The following EXOC2 variants were observed in gnomAD, a reference collection of about 807,000 sequenced individuals.
EXOC2 encodes exocyst complex component 2.
Under a neutral mutation model 131.8 loss-of-function variants are expected in EXOC2, and 70 were observed. That is an observed-to-expected ratio of 0.53 (90% confidence interval 0.44 to 0.65). The LOEUF (loss-of-function observed/expected upper bound fraction) is 0.65, where lower values mean the gene tolerates loss of function less well. EXOC2 is among the 30% of genes least tolerant of loss of function. The pLI is 0.00. For synonymous variants in EXOC2, 411 were observed against 398.4 expected (o/e 1.03, Z -0.38); for missense variants, 923 against 1,108.6 (o/e 0.83, Z 2.38).
chr6:656,480 C>T, intron 1 of EXOC2: 3 of 1,610,422 alleles, frequency 1.9e-6, no homozygotes, highest in Non-Finnish European at 1.7e-6. Flanking sequence ...GGCGGATGCT[C>T]GCGTCGGAGG....
rs76710904 is a variant in EXOC2 at position 589,773 on chromosome 6, C to T, written c.1192+2696G>A. Among the ~76,000 whole-genome samples the T allele has an allele frequency of 2.3e-4, 35 of 152,226 alleles. No individual in the cohort carries two copies. The East Asian group carries it at 6.6e-3, about 29-fold the overall frequency. On this transcript the variant is annotated intron_variant, in intron 11 of 27. Transcript: ENST00000230449. ...CACAGAGATTAGAATGTGCTTGGCA[C>T]GGAGGGAAGGGGTAAGGCCAAGAAT... is the stretch of plus-strand genomic sequence containing the variant.
At chr6:496,491 G>T (rs1300856052) in intron 25 of EXOC2, among the ~76,000 whole-genome samples, 1 of 152,138 alleles carries the variant, frequency 6.6e-6, no homozygotes, top group East Asian at 1.9e-4. Flanking sequence ...CATATGGAGA[G>T]ACTCCTCTAT....
At chr6:652,326 C>T (rs978633311) in intron 1 of EXOC2, among the ~76,000 whole-genome samples, 4 of 152,174 alleles carry the variant, frequency 2.6e-5, no homozygotes, top group African/African-American at 7.2e-5. Flanking sequence ...AGGGTTCAAG[C>T]GACTCGCCTG....
chr6:658,647 ATATATATATATATATATATTT>A (rs1763256430), intron 1 of EXOC2, among the ~76,000 whole-genome samples: 2 of 70,114 alleles, frequency 2.9e-5, no homozygotes, highest in African/African-American at 9.4e-5. Flanking sequence ...TATATATTTT[ATATATATATATATATATATTT>A]TTTTTTTTTT....
rs1561761000 is a variant in EXOC2, at chr6:485,542, T to C, written c.*1129A>G. On this transcript the variant is annotated 3_prime_UTR_variant, in exon 28 of 28. Transcript: ENST00000230449. Reference sequence around the variant, plus strand: ...AAGCCGACTACAAAGAGAATTCCTCTCTGAAAATTTTCAGATGCGACGGTA... The same window carrying C: ...AAGCCGACTACAAAGAGAATTCCTCCCTGAAAATTTTCAGATGCGACGGTA... 1 of 152,184 alleles carries C rather than the reference T, an allele frequency of 6.6e-6. No homozygotes were observed. Among genetic ancestry groups the C allele is most frequent in the Non-Finnish European group, 1.5e-5 (1 of 68,034 alleles). The allele number at this position is 152,184 out of a possible 1,614,324, so 9.4% of individuals were successfully genotyped here.
In EXOC2 at chr6:573,351, C is replaced by T. The variant is rs530050017; in HGVS notation, c.1319-707G>A. Among the ~76,000 whole-genome samples, 456 of 152,282 alleles carry T rather than the reference C, an allele frequency of 3.0e-3. 3 individuals carry two copies. The highest frequency in any genetic ancestry group is 0.01 in the African/African-American group (433 of 41,546). On this transcript the variant is annotated intron_variant, in intron 12 of 27. Transcript: ENST00000230449. ...GACCCACTCACCATGTCCTCTGTCT[C>T]CCTTCTTTCTTTTCACTCCCAGGGC...
intron 3 of EXOC2, among the ~76,000 whole-genome samples, chr6:631,226 C>T (rs1344260582): frequency 6.6e-6 from 1 of 152,204 alleles, no homozygotes; most frequent in Non-Finnish European, 1.5e-5. Context: ...CAAGTCCAGG[C>T]ACTCTTGAGT....
At chr6:655,291 C>T (rs944253638) in intron 1 of EXOC2, among the ~76,000 whole-genome samples, 4 of 152,186 alleles carry the variant, frequency 2.6e-5, no homozygotes, top group Non-Finnish European at 5.9e-5. Context: ...AGATGAGCAG[C>T]AGCATTTTTT....
chr6:579,191 GAA>G (rs1561881815), intron 11 of EXOC2, among the ~76,000 whole-genome samples: 1 of 152,038 alleles, frequency 6.6e-6, no homozygotes, highest in Non-Finnish European at 1.5e-5. Flanking sequence ...AATTATTTCA[GAA>G]AAAGTTTTCT....
intron 21 of EXOC2, among the ~76,000 whole-genome samples, chr6:552,263 G>A (rs1185354426): frequency 1.3e-5 from 2 of 152,238 alleles, no homozygotes; most frequent in African/African-American, 4.8e-5. Flanking sequence ...GTCGCTCCCT[G>A]CTTTTCCTTG....
At chr6:567,849 G>T (rs2473493) in intron 13 of EXOC2, among the ~76,000 whole-genome samples, 1 of 152,208 alleles carries the variant, frequency 6.6e-6, no homozygotes, top group African/African-American at 2.4e-5. Flanking sequence ...TCTGGGTCCC[G>T]ACATGAGAGT....
At chr6:541,238 T>C (rs1766799360) in intron 22 of EXOC2, among the ~76,000 whole-genome samples, 1 of 152,184 alleles carries the variant, frequency 6.6e-6, no homozygotes, top group Admixed American at 6.5e-5. Flanking sequence ...TAGCCAAGAC[T>C]AAAATAGAAT....
intron 27 of EXOC2, among the ~76,000 whole-genome samples, chr6:488,680 CATAG>C (rs536361338): frequency 6.6e-6 from 1 of 151,998 alleles, no homozygotes; most frequent in Admixed American, 6.6e-5. Flanking sequence ...CTGAATAAGT[CATAG>C]ATAGCTTTCT....
rs1230779566 is a variant in EXOC2, at chr6:633,002, A to G, written c.234T>C (p.Thr78=). The part of the protein sequence containing the change: ...KNDKGDIIVT[T]KSGGRGTSTV... ...TTGAGGTTCCTCTGCCACCTGACTT[A>G]GTGGTGACAATAATGTCTCCTTTGT... is the stretch of plus-strand genomic sequence containing the variant. Residue 78 remains threonine, a synonymous_variant, in exon 3 of 28, where the codon ACT becomes ACC. Transcript: ENST00000230449. The G allele has an allele frequency of 6.2e-7, 1 of 1,614,066 alleles. No individual in the cohort carries two copies. The highest frequency in any genetic ancestry group is 1.3e-5 in the African/African-American group (1 of 74,936).
chr6:560,992 G>A (rs536852368), intron 17 of EXOC2, among the ~76,000 whole-genome samples: 66 of 152,184 alleles, frequency 4.3e-4, no homozygotes, highest in South Asian at 2.1e-4. Flanking sequence ...ACAGGCATGA[G>A]CCACAGCACC....
At chr6:565,014 A>G in intron 13 of EXOC2, 85 bp from the exon 14 acceptor site, 1 of 1,018,054 alleles carries the variant, frequency 9.8e-7, no homozygotes, top group Non-Finnish European at 1.4e-6. Context: ...TCAAGAGAAC[A>G]TTAAATATGG....
chr6:689,865 T>C (rs989393439), intron 1 of EXOC2, among the ~76,000 whole-genome samples: 8 of 152,122 alleles, frequency 5.3e-5, no homozygotes, highest in Non-Finnish European at 8.8e-5. Flanking sequence ...TAGGATTCAC[T>C]GAGTTGGAAA....
intron 2 of EXOC2, among the ~76,000 whole-genome samples, chr6:636,810 A>G (rs1325218162): frequency 6.6e-6 from 1 of 152,202 alleles, no homozygotes; most frequent in East Asian, 1.9e-4. Context: ...ACAGGCAAGT[A>G]ATCGTAACTG....
chr6:599,311 A>C, intron 7 of EXOC2, 86 bp from the exon 8 acceptor site: 1 of 1,235,070 alleles, frequency 8.1e-7, no homozygotes, highest in Non-Finnish European at 1.1e-6. Context: ...CAAAATGTTA[A>C]TACTGCTATT....
Sources: gnomAD v4.1 joint callset for allele counts (sites outside exome capture counted in the v4.1 genomes callset) on GRCh38, gnomAD v4.1.1 for gene constraint, MANE v1.5 for transcripts, NCBI Gene and HGNC (gene_info 2026-07-23, HGNC 2026-07-21) for gene names.